The following FOXP1 variants were observed in gnomAD, a reference collection of about 807,000 sequenced individuals.
FOXP1 encodes the protein forkhead box P1.
Under a neutral mutation model 98.2 loss-of-function variants are expected in FOXP1, and 15 were observed. That is an observed-to-expected ratio of 0.15 (90% CI 0.10 to 0.24). FOXP1 has a LOEUF of 0.24. Ranked by LOEUF, FOXP1 falls within the 10% of genes least tolerant of loss-of-function variation. FOXP1 has a pLI of 1.00. For missense variants in FOXP1, 633 were observed against 848.5 expected (o/e 0.75, Z 3.15); for synonymous variants, 371 against 314.5 (o/e 1.18, Z -1.90).
intron 11 of FOXP1, among the ~76,000 whole-genome samples, chr3:71,034,866 G>C (rs944983524): frequency 6.6e-6 from 1 of 152,126 alleles, no homozygotes; most frequent in Non-Finnish European, 1.5e-5. Flanking sequence ...CGTAAGAATG[G>C]CAAGTCACTA....
At chr3:71,263,578 A>G (rs995137088) in intron 5 of FOXP1, among the ~76,000 whole-genome samples, 2 of 152,098 alleles carry the variant, frequency 1.3e-5, no homozygotes, top group African/African-American at 4.8e-5. Context: ...GAAGGTGCCT[A>G]TGCTTCACTA....
intron 13 of FOXP1, among the ~76,000 whole-genome samples, chr3:70,995,895 A>T (rs1157299700): frequency 2.0e-5 from 3 of 152,214 alleles, no homozygotes; most frequent in Non-Finnish European, 4.4e-5. Context: ...ATCTTTCAAC[A>T]ATAATTTAAC....
intron 3 of FOXP1, among the ~76,000 whole-genome samples, chr3:71,363,328 TA>T (rs1338448731): frequency 9.2e-5 from 14 of 152,210 alleles, no homozygotes. Context: ...CTTCTTATTT[TA>T]TAAAATAGCA....
chr3:71,183,188 A>G (rs971156158), intron 6 of FOXP1, among the ~76,000 whole-genome samples: 1 of 152,026 alleles, frequency 6.6e-6, no homozygotes, highest in Non-Finnish European at 1.5e-5. Flanking sequence ...GGTGGTGGTG[A>G]TGATGATAAG....
At chr3:71,122,822 G>A (rs928375242) in intron 6 of FOXP1, among the ~76,000 whole-genome samples, 1 of 152,152 alleles carries the variant, frequency 6.6e-6, no homozygotes, top group African/African-American at 2.4e-5. Flanking sequence ...ATTGTCTCAT[G>A]AGAACTTGAT....
intron 2 of FOXP1, among the ~76,000 whole-genome samples, chr3:71,575,549 C>G (rs1279414011): frequency 6.6e-6 from 1 of 152,202 alleles, no homozygotes; most frequent in Non-Finnish European, 1.5e-5. Flanking sequence ...CCCTTCACTT[C>G]AGACATGAGC....
intron 3 of FOXP1, among the ~76,000 whole-genome samples, chr3:71,454,248 C>T (rs992537150): frequency 6.6e-6 from 1 of 152,154 alleles, no homozygotes. Context: ...GAGAACTATA[C>T]TCCTACAGCG....
At chr3:71,536,680 G>A (rs1352095914) in intron 2 of FOXP1, among the ~76,000 whole-genome samples, 1 of 151,778 alleles carries the variant, frequency 6.6e-6, no homozygotes, top group African/African-American at 2.4e-5. Context: ...AAATGTATGG[G>A]TGTTTGAGCA....
intron 5 of FOXP1, among the ~76,000 whole-genome samples, chr3:71,288,132 G>A (rs901618708): frequency 5.3e-5 from 8 of 152,002 alleles, no homozygotes; most frequent in East Asian, 3.9e-4. Context: ...TGCCCGTCTC[G>A]GCCTCCCAAA....
In FOXP1 at chr3:71,071,761, A is replaced by G. The variant is rs551599939; in HGVS notation, c.283-17988T>C. Among the ~76,000 whole-genome samples, 1,138 of 152,140 alleles carry G rather than the reference A, an allele frequency of 7.5e-3. 12 individuals are homozygous for G. The highest frequency in any genetic ancestry group is 0.012 in the Non-Finnish European group (823 of 67,984). ...GCTAATTTTTGTATTTTTAGTAGAG[A>G]CGGTGTTTCACCATGTTGCCCAGAC... is the stretch of plus-strand genomic sequence containing the variant. On this transcript the variant is annotated intron_variant, in intron 7 of 20. Transcript: ENST00000649528.
chr3:71,357,335 T>C (rs1481563852), intron 4 of FOXP1, among the ~76,000 whole-genome samples: 1 of 152,242 alleles, frequency 6.6e-6, no homozygotes, highest in Non-Finnish European at 1.5e-5. Context: ...GTAAGAATAT[T>C]GTGGTCTTAA....
intron 2 of FOXP1, among the ~76,000 whole-genome samples, chr3:71,501,071 A>G (rs1186338933): frequency 6.6e-6 from 1 of 152,018 alleles, no homozygotes. Context: ...GGGTGCCTGT[A>G]ATCCCAGCTA....
chr3:71,457,542 A>C (rs1043083730), intron 3 of FOXP1, among the ~76,000 whole-genome samples: 5 of 152,214 alleles, frequency 3.3e-5, no homozygotes, highest in Admixed American at 2.0e-4. Context: ...TCAAAGTAGA[A>C]GACCAAAAGG....
intron 6 of FOXP1, among the ~76,000 whole-genome samples, chr3:71,131,978 T>A (rs2107929726): frequency 6.6e-6 from 1 of 152,216 alleles, no homozygotes; most frequent in Admixed American, 6.5e-5. Context: ...TGGGGAGGGG[T>A]GGAGTATCCA....
chr3:71,209,044 T>TA (rs1195276017), intron 5 of FOXP1, among the ~76,000 whole-genome samples: 2 of 152,178 alleles, frequency 1.3e-5, no homozygotes, highest in Non-Finnish European at 2.9e-5. Flanking sequence ...CACCATCATA[T>TA]AAGCCAGAGT....
At chr3:71,537,865 A>G (rs2044434132) in intron 2 of FOXP1, among the ~76,000 whole-genome samples, 1 of 152,238 alleles carries the variant, frequency 6.6e-6, no homozygotes, top group Non-Finnish European at 1.5e-5. Flanking sequence ...GTTGAAGAAG[A>G]CAATGAAAAT....
chr3:71,145,143 C>CTA (rs2060247643), intron 6 of FOXP1, among the ~76,000 whole-genome samples: 1 of 152,172 alleles, frequency 6.6e-6, no homozygotes, highest in African/African-American at 2.4e-5. Context: ...AAACCTTAGC[C>CTA]TATAGGTTTT....
intron 4 of FOXP1, among the ~76,000 whole-genome samples, chr3:71,310,199 A>G (rs2074586713): frequency 6.6e-6 from 1 of 152,146 alleles, no homozygotes; most frequent in Non-Finnish European, 1.5e-5. Context: ...GAAACCAGCA[A>G]CTCTACAGTT....
rs369074999 is a variant in FOXP1, at chr3:70,958,631, GAAAAA to G, written c.*611_*615del. ...AGAACTTAAAATGGTATAGTAGAAGGAAAAAAAAAAAAAAAAAAAGCAATACATTA... is the reference window on the plus strand; with the variant it reads ...AGAACTTAAAATGGTATAGTAGAAGGAAAAAAAAAAAAAAGCAATACATTA... On this transcript the variant is annotated 3_prime_UTR_variant, in exon 21 of 21. Coordinates refer to ENST00000649528, the MANE Select transcript of FOXP1 (RefSeq NM_001349338.3). 4.6e-4 allele frequency: 45 copies of G among 98,812 alleles called. No homozygotes were observed. Among genetic ancestry groups the G allele is most frequent in the Non-Finnish European group, 4.7e-4 (23 of 48,968 alleles). 6.1% of individuals were successfully genotyped at this position (98,812 alleles called of 1,614,324 possible).
Sources: allele counts gnomAD v4.1 joint callset (sites outside exome capture counted in the v4.1 genomes callset), GRCh38; gene constraint gnomAD v4.1.1; transcripts MANE v1.5; gene names NCBI Gene and HGNC (gene_info 2026-07-23, HGNC 2026-07-21).